Variants in RYK observed in about 807,000 individuals in gnomAD.
RYK encodes the protein receptor like tyrosine kinase.
RYK carries 21 observed loss-of-function variants against 70.2 expected under a neutral mutation model. That is an observed-to-expected ratio of 0.30 (90% CI 0.21 to 0.43). The LOEUF (loss-of-function observed/expected upper bound fraction) is 0.43, where lower values mean the gene tolerates loss of function less well. RYK is among the 20% of genes least tolerant of loss of function. The pLI is 1.00. For missense variants in RYK, 604 were observed against 753.3 expected, an observed-to-expected ratio of 0.80 and a Z score of 2.32; for synonymous variants, 267 against 278.0, an observed-to-expected ratio of 0.96 and a Z score of 0.39.
At chr3:134,170,439 T>A (rs2012860929) in intron 13 of RYK, 1 of 152,210 alleles carries the variant, frequency 6.6e-6, no homozygotes, top group South Asian at 2.1e-4. Context: ...ATCACTAAGC[T>A]ACATGTCATG....
At chr3:134,246,473 G>GAACC (rs765472233) in intron 1 of RYK, among the ~76,000 whole-genome samples, 1 of 149,084 alleles carries the variant, frequency 6.7e-6, no homozygotes, top group African/African-American at 2.5e-5. Flanking sequence ...AGGAAGGAAA[G>GAACC]AACCAACCAA....
At chr3:134,179,027 C>T (rs2013205273) in intron 10 of RYK, 2 of 152,022 alleles carry the variant, frequency 1.3e-5, no homozygotes, top group Admixed American at 6.6e-5. Flanking sequence ...CTTGGCAAAT[C>T]CTGCTTCTAA....
chr3:134,174,395 T>C (rs1434216526), intron 13 of RYK, among the ~76,000 whole-genome samples: 1 of 152,196 alleles, frequency 6.6e-6, no homozygotes, highest in Non-Finnish European at 1.5e-5. Context: ...CGTACAGTAA[T>C]ACATGATTAA....
intron 1 of RYK, among the ~76,000 whole-genome samples, chr3:134,226,572 T>C (rs191928609): frequency 2.2e-4 from 34 of 152,260 alleles, no homozygotes; most frequent in Admixed American, 2.0e-3. Context: ...CAACATCCCT[T>C]ATGAACATAG....
intron 6 of RYK, among the ~76,000 whole-genome samples, chr3:134,199,306 C>A (rs1401255739): frequency 6.6e-6 from 1 of 152,340 alleles, no homozygotes; most frequent in South Asian, 2.1e-4. Context: ...ATGAATTCCA[C>A]GGAGCCATGG....
At chr3:134,207,356 A>G (rs2107677572) in intron 5 of RYK, 116 bp downstream of exon 5, 1 of 538,936 alleles carries the variant, frequency 1.9e-6, no homozygotes. Context: ...AAATAACAGC[A>G]TGGTGTCATT....
rs2015600527 is a variant in RYK, at chr3:134,250,767, C to T, written c.-113G>A. The T allele has an allele frequency of 2.7e-6, 1 of 370,104 alleles. No homozygotes were observed. The highest frequency in any genetic ancestry group is 3.7e-6 in the Non-Finnish European group (1 of 268,236). 22.9% of individuals were successfully genotyped at this position (370,104 alleles called of 1,614,324 possible). A position where few individuals can be genotyped will look rare whatever the true frequency, so the allele number is the denominator to read the frequency against. On this transcript the variant is annotated 5_prime_UTR_variant, in exon 1 of 15. Coordinates refer to ENST00000623711, the MANE Select transcript of RYK (RefSeq NM_002958.4). ...CCGGGGGCGGCTGCCCAGCTCATCG[C>T]ACCGCCGGCCCGTGGCAGCCAGCAG...
At chr3:134,159,462 ACAGCT>A in intron 13 of RYK, 89 bp from the exon 14 acceptor site, 1 of 1,265,398 alleles carries the variant, frequency 7.9e-7, no homozygotes, top group South Asian at 1.7e-5. Flanking sequence ...ACAAAAAATA[ACAGCT>A]CAACTCATGC....
intron 8 of RYK, 140 bp downstream of exon 8, chr3:134,191,709 T>G: frequency 1.6e-6 from 1 of 639,820 alleles, no homozygotes; most frequent in South Asian, 2.6e-5. Flanking sequence ...AAATAATTTT[T>G]ATAAAAGAAA....
chr3:134,199,762 A>G lies in RYK; in HGVS notation c.788+2968T>C, dbSNP rs115094328. 3.3e-3 allele frequency among the ~76,000 whole-genome samples: 507 copies of G among 152,236 alleles called. 4 individuals are homozygous for G. The highest frequency in any genetic ancestry group is 0.012 in the African/African-American group (490 of 41,540). On this transcript the variant is annotated intron_variant, in intron 6 of 14. Transcript: ENST00000623711. The stretch of plus-strand genomic sequence containing the variant: ...AGGAAAGGGCAGAAGAACTTTGTCC[A>G]TCACTACTAGTGAGAGGTGAAGCTG...
rs139706042 is a variant in RYK, at chr3:134,214,891, A to G, written c.355-3284T>C. Among the ~76,000 whole-genome samples, 746 of 152,222 alleles carry G rather than the reference A, an allele frequency of 4.9e-3. 2 individuals are homozygous for G. Among genetic ancestry groups the G allele is most frequent in the African/African-American group, 0.017 (715 of 41,532 alleles). Reference sequence around the variant, plus strand: ...TCATTCTAGTCCCAAGGAAAGGTCCATTTTCCTCTCCAAATGTAAATCCTT... The same window carrying G: ...TCATTCTAGTCCCAAGGAAAGGTCCGTTTTCCTCTCCAAATGTAAATCCTT... On this transcript the variant is annotated intron_variant, in intron 2 of 14. Coordinates refer to ENST00000623711, the MANE Select transcript of RYK (RefSeq NM_002958.4).
At chr3:134,246,026 GAAGA>G (rs1209476633) in intron 1 of RYK, among the ~76,000 whole-genome samples, 1 of 151,276 alleles carries the variant, frequency 6.6e-6, no homozygotes, top group Non-Finnish European at 1.5e-5. Flanking sequence ...GGAGGAAACA[GAAGA>G]AATATTAAAA....
At chr3:134,193,547 A>T (rs1560010837) in intron 7 of RYK, among the ~76,000 whole-genome samples, 2 of 152,244 alleles carry the variant, frequency 1.3e-5, no homozygotes, top group Non-Finnish European at 2.9e-5. Flanking sequence ...CTTTGAGGTC[A>T]CGTATAACAA....
intron 6 of RYK, among the ~76,000 whole-genome samples, chr3:134,197,080 C>T (rs1230974521): frequency 2.0e-5 from 3 of 152,166 alleles, no homozygotes; most frequent in Non-Finnish European, 2.9e-5. Context: ...CTGCACCAAC[C>T]TGATACTTCT....
chr3:134,223,795 G>A (rs2014806813), intron 1 of RYK, among the ~76,000 whole-genome samples: 1 of 152,158 alleles, frequency 6.6e-6, no homozygotes, highest in Admixed American at 6.5e-5. Context: ...GAGGAGAACA[G>A]CCAAAATGCA....
intron 9 of RYK, 77 bp from the exon 10 acceptor site, chr3:134,183,148 T>C: frequency 2.5e-6 from 2 of 803,266 alleles, no homozygotes; most frequent in South Asian, 2.2e-5. Context: ...TATTAGTAAA[T>C]AATTATCTTG....
intron 14 of RYK, 119 bp downstream of exon 14, chr3:134,159,118 A>G (rs1013484093): frequency 2.8e-6 from 3 of 1,089,564 alleles, no homozygotes; most frequent in South Asian, 2.7e-5. Flanking sequence ...ATTTAAATCC[A>G]AAGAGTCATT....
intron 2 of RYK, among the ~76,000 whole-genome samples, chr3:134,218,219 C>T (rs1030294524): frequency 6.6e-6 from 1 of 152,168 alleles, no homozygotes; most frequent in African/African-American, 2.4e-5. Context: ...GTCACCACTC[C>T]TAAAGCCGCA....
At chr3:134,194,294 A>G (rs529422082) in intron 7 of RYK, among the ~76,000 whole-genome samples, 7 of 152,320 alleles carry the variant, frequency 4.6e-5, no homozygotes, top group African/African-American at 1.7e-4. Context: ...TAAATAATGT[A>G]TTATTACAAA....
Sources: allele counts gnomAD v4.1 joint callset (sites outside exome capture counted in the v4.1 genomes callset), GRCh38; gene constraint gnomAD v4.1.1; transcripts MANE v1.5; gene names NCBI Gene and HGNC (gene_info 2026-07-23, HGNC 2026-07-21).